OTUD6B: variants seen among roughly 807,000 people sequenced by gnomAD.
OTUD6B encodes OTU deubiquitinase 6B, also known as deubiquitinase OTUD6B.
Under a neutral mutation model 36.9 loss-of-function variants are expected in OTUD6B, and 41 were observed. The ratio of observed to expected loss-of-function variants is 1.11; its 90% CI spans 0.87 to 1.44. The LOEUF is 1.44. Ranked by LOEUF, OTUD6B falls within the 40% of genes most tolerant of loss-of-function variation. The pLI, the probability that OTUD6B is intolerant of heterozygous loss-of-function variation, is 0.00. For missense variants in OTUD6B, 356 were observed against 344.8 expected, an observed-to-expected ratio of 1.03 and a Z score of -0.26; for synonymous variants, 114 against 114.2, an observed-to-expected ratio of 1.00 and a Z score of 0.01.
At chr8:91,082,620 C>CT (rs937576107) in intron 5 of OTUD6B, among the ~76,000 whole-genome samples, 3 of 151,532 alleles carry the variant, frequency 2.0e-5, no homozygotes, top group African/African-American at 4.8e-5. Flanking sequence ...TCTTGTAACC[C>CT]TTTTTTTGCC....
At position 91,084,767 on chromosome 8, in the gene OTUD6B, T is replaced by A; in HGVS notation, c.798-17T>A. 6.7e-7 allele frequency: 1 copy of A among 1,499,258 alleles called. No individual in the cohort carries two copies. Among genetic ancestry groups the A allele is most frequent in the Admixed American group, 2.2e-5 (1 of 44,800 alleles). The allele number at this position is 1,499,258 out of a possible 1,614,324, so 92.9% of individuals were successfully genotyped here. On this transcript the variant is annotated splice_polypyrimidine_tract_variant and intron_variant, in intron 6 of 6. Coordinates refer to ENST00000404789, the MANE Select transcript of OTUD6B (RefSeq NM_016023.5). ...CTTTCATCAAAACTACTCATTTCTT[T>A]TTTTTTTTAATTTCAGATATATGAG...
At position 91,071,982 on chromosome 8, in the gene OTUD6B, C is replaced by G. The variant is rs145736261; in HGVS notation, c.234+693C>G. 2.1e-3 allele frequency among the ~76,000 whole-genome samples: 321 copies of G among 152,266 alleles called. 1 individual carries two copies. Among genetic ancestry groups the G allele is most frequent in the African/African-American group, 7.0e-3 (292 of 41,556 alleles). On this transcript the variant is annotated intron_variant, in intron 2 of 6. Transcript: ENST00000404789. The stretch of plus-strand genomic sequence containing the variant: ...TACAAATATTTCTACACTCTAAGCA[C>G]AGGTTTTTGTAAGAATCAAGAAAGT...
chr8:91,076,575 C>T, intron 3 of OTUD6B: 1 of 1,529,086 alleles, frequency 6.5e-7, no homozygotes, highest in Non-Finnish European at 8.8e-7. Flanking sequence ...TCTGCTCCAA[C>T]TTTTATTCTG....
At chr8:91,072,466 G>T (rs186827689) in intron 2 of OTUD6B, among the ~76,000 whole-genome samples, 1 of 152,298 alleles carries the variant, frequency 6.6e-6, no homozygotes, top group Admixed American at 6.5e-5. Context: ...TTGATAGAAA[G>T]TTCTTATGTC....
intron 5 of OTUD6B, among the ~76,000 whole-genome samples, chr8:91,082,739 A>G (rs1486034182): frequency 2.1e-5 from 3 of 143,058 alleles, no homozygotes; most frequent in Non-Finnish European, 3.0e-5. Context: ...GTGTTTGGTC[A>G]TATGTCTTTT....
chr8:91,082,763 T>C (rs1484138037), intron 5 of OTUD6B, among the ~76,000 whole-genome samples: 2 of 138,720 alleles, frequency 1.4e-5, no homozygotes, highest in Admixed American at 7.1e-5. Flanking sequence ...TTTTTTTTTT[T>C]TTTTTTGAAA....
At chr8:91,075,194 G>A (rs933295699) in intron 3 of OTUD6B, among the ~76,000 whole-genome samples, 3 of 151,950 alleles carry the variant, frequency 2.0e-5, no homozygotes, top group Non-Finnish European at 4.4e-5. Context: ...TTCTTGTGTA[G>A]AATTTTATTT....
In OTUD6B at chr8:91,078,492, A is replaced by G. The variant is rs1168842621; in HGVS notation, c.452A>G (p.Gln151Arg). 6.2e-7 allele frequency: 1 copy of G among 1,608,852 alleles called. No homozygotes were observed. The highest frequency in any genetic ancestry group is 8.5e-7 in the Non-Finnish European group (1 of 1,177,420). ...GCAGCTAGACAGTTAGAAATTAAAC[A>G]GATTCCATCTGATGGCCACTGTATG... The part of the protein sequence containing the change: ...ILAARQLEIK[Q>R]IPSDGHCMYK... The change falls in exon 4 of 7, where the codon CAG becomes CGG. Residue 151 changes from glutamine (Q) to arginine (R), a missense_variant. By Grantham distance (43) the Gln-to-Arg change is conservative. Coordinates refer to ENST00000404789, the MANE Select transcript of OTUD6B (RefSeq NM_016023.5).
chr8:91,083,348 T>C (rs936539868), intron 5 of OTUD6B, among the ~76,000 whole-genome samples: 7 of 152,198 alleles, frequency 4.6e-5, no homozygotes, highest in African/African-American at 1.7e-4. Flanking sequence ...TTTTTTGTTA[T>C]GAACATTTTC....
intron 3 of OTUD6B, among the ~76,000 whole-genome samples, chr8:91,077,327 TGTA>T (rs1812821114): frequency 6.6e-6 from 1 of 151,974 alleles, no homozygotes; most frequent in East Asian, 1.9e-4. Context: ...TTGTGTATAT[TGTA>T]GTTTCTTTTT....
chr8:91,076,605 AG>A, intron 3 of OTUD6B: 1 of 1,531,690 alleles, frequency 6.5e-7, no homozygotes. Context: ...CCTGGATAGA[AG>A]GAGCTCTCTG....
chr8:91,074,857 G>A (rs772788661), intron 3 of OTUD6B, among the ~76,000 whole-genome samples: 4 of 151,890 alleles, frequency 2.6e-5, no homozygotes, highest in Non-Finnish European at 4.4e-5. Context: ...TTATACTTTG[G>A]GTACGGTTCT....
At chr8:91,084,652 A>T in intron 6 of OTUD6B, 132 bp from the exon 7 acceptor site, 1 of 1,035,088 alleles carries the variant, frequency 9.7e-7, no homozygotes, top group Non-Finnish European at 1.2e-6. Flanking sequence ...ATGTCCACAT[A>T]GTCTATTGAG....
rs1813001305 is a variant in OTUD6B at position 91,085,701 on chromosome 8, T to C, written c.*833T>C. On this transcript the variant is annotated 3_prime_UTR_variant, in exon 7 of 7. Transcript: ENST00000404789. The stretch of plus-strand genomic sequence containing the variant: ...ATAACTACACATTTTTATATTTCCT[T>C]TTGTGTTTTCTACTTTGCTTTCCTT... The C allele has an allele frequency of 6.6e-6, 1 of 152,036 alleles. No homozygotes were observed. 9.4% of individuals were successfully genotyped at this position (152,036 alleles called of 1,614,324 possible).
intron 4 of OTUD6B, among the ~76,000 whole-genome samples, chr8:91,079,865 G>A (rs757742833): frequency 6.6e-6 from 1 of 152,078 alleles, no homozygotes; most frequent in Non-Finnish European, 1.5e-5. Context: ...ATTGAAGGCC[G>A]CTGTGTGCCA....
At chr8:91,071,508 C>G (rs529889588) in intron 2 of OTUD6B, among the ~76,000 whole-genome samples, 2 of 152,170 alleles carry the variant, frequency 1.3e-5, no homozygotes, top group Admixed American at 1.3e-4. Context: ...GCCACTACGC[C>G]CGGCTAATTT....
rs1812690810 is a variant in OTUD6B, at chr8:91,071,235, A to G, written c.180A>G (p.Glu60=). Residue 60 remains glutamate, a synonymous_variant, in exon 2 of 7, where the codon GAA becomes GAG. Transcript: ENST00000404789. ...TGGCCAAGTTGGAAAAAGAAATGGA[A>G]CAGAAACATAGAGAGGAACTGGAGC... is the stretch of plus-strand genomic sequence containing the variant. ...EDVAKLEKEM[E]QKHREELEQL... is the part of the protein sequence containing the mutation. 6.2e-7 allele frequency: 1 copy of G among 1,613,842 alleles called. No homozygotes were observed. Among genetic ancestry groups the G allele is most frequent in the Admixed American group, 1.7e-5 (1 of 60,000 alleles).
At position 91,086,660 on chromosome 8, in the gene OTUD6B, A is replaced by G. The variant is rs927587350; in HGVS notation, c.*1792A>G. 4 of 152,112 alleles carry G rather than the reference A, an allele frequency of 2.6e-5. No individual in the cohort carries two copies. In the Middle Eastern group the frequency reaches 0.01, roughly 388 times the overall value. 9.4% of individuals were successfully genotyped at this position (152,112 alleles called of 1,614,324 possible). Reference sequence around the variant, plus strand: ...TCTTTTTTTCCTTACAAGATTTAGAATCTTTTTGGTTATATGTCTATTTTT... The same window carrying G: ...TCTTTTTTTCCTTACAAGATTTAGAGTCTTTTTGGTTATATGTCTATTTTT... On this transcript the variant is annotated 3_prime_UTR_variant, in exon 7 of 7. Coordinates refer to ENST00000404789, the MANE Select transcript of OTUD6B (RefSeq NM_016023.5).
chr8:91,074,980 G>A (rs1398521876), intron 3 of OTUD6B, among the ~76,000 whole-genome samples: 2 of 151,940 alleles, frequency 1.3e-5, no homozygotes, highest in Non-Finnish European at 2.9e-5. Flanking sequence ...TTAACACAAG[G>A]CCTGGAGAAC....
Sources: allele counts gnomAD v4.1 joint callset (sites outside exome capture counted in the v4.1 genomes callset), GRCh38; gene constraint gnomAD v4.1.1; transcripts MANE v1.5; gene names NCBI Gene and HGNC (gene_info 2026-07-23, HGNC 2026-07-21).